WLS: variants seen among roughly 807,000 people sequenced by gnomAD.
WLS encodes the protein Wnt ligand secretion mediator.
In WLS, 23 loss-of-function variants were observed where a neutral mutation model predicts 62.8. The observed-to-expected ratio is 0.37, with a 90% CI of 0.26 to 0.52. The LOEUF (loss-of-function observed/expected upper bound fraction) is 0.52, where lower values mean the gene tolerates loss of function less well. Ranked by LOEUF, WLS falls within the 20% of genes least tolerant of loss-of-function variation. WLS has a pLI of 0.92. For missense variants in WLS, 615 were observed against 697.3 expected (o/e 0.88, Z 1.33); for synonymous variants, 246 against 244.1 (o/e 1.01, Z -0.07).
chr1:68,133,029 C>A (rs1646549667), intron 11 of WLS, among the ~76,000 whole-genome samples: 4 of 147,872 alleles, frequency 2.7e-5, no homozygotes, highest in South Asian at 2.2e-4. Flanking sequence ...GTAAAAAGAA[C>A]AACTGTCATG....
rs1646857189 is a variant in WLS at position 68,153,634 on chromosome 1, C to G, written c.686G>C (p.Gly229Ala). 1.2e-6 allele frequency: 2 copies of G among 1,614,168 alleles called. No homozygotes were observed. The highest frequency in any genetic ancestry group is 1.7e-6 in the Non-Finnish European group (2 of 1,180,022). ...IRLVGIHQNG[G>A]FTKVWFAMKT... ...CATGGCAAACCACACCTTGGTGAAGCCTCCATTTTGGTGGATCCCCTAGGC... is the reference window on the plus strand; with the variant it reads ...CATGGCAAACCACACCTTGGTGAAGGCTCCATTTTGGTGGATCCCCTAGGC... Residue 229 changes from glycine to alanine, a missense_variant, in exon 5 of 12, where the codon GGC becomes GCC. Coordinates refer to ENST00000262348, the MANE Select transcript of WLS (RefSeq NM_024911.7).
intron 1 of WLS, among the ~76,000 whole-genome samples, chr1:68,219,606 C>T (rs567495110): frequency 3.3e-5 from 5 of 152,298 alleles, no homozygotes; most frequent in African/African-American, 1.2e-4. Context: ...GCAAGGCATT[C>T]ATCTATTCAC....
intron 11 of WLS, among the ~76,000 whole-genome samples, chr1:68,106,749 TGTATGTGTGG>T (rs1646151470): frequency 7.2e-6 from 1 of 139,570 alleles, no homozygotes; most frequent in South Asian, 2.1e-4. Flanking sequence ...TGTGTGTGTG[TGTATGTGTGG>T]GTAGGTGGGT....
At chr1:68,121,857 G>T (rs1170203030), downstream of WLS, among the ~76,000 whole-genome samples, 1 of 152,178 alleles carries the variant, frequency 6.6e-6, no homozygotes, top group Non-Finnish European at 1.5e-5. Flanking sequence ...ACTATGCTAG[G>T]CACTTTTTAG....
intron 11 of WLS, among the ~76,000 whole-genome samples, chr1:68,101,946 C>G (rs546765727): frequency 5.5e-4 from 84 of 152,288 alleles, no homozygotes; most frequent in African/African-American, 1.9e-3. Context: ...AATCAAATAT[C>G]TTACTGTTGA....
intron 2 of WLS, among the ~76,000 whole-genome samples, chr1:68,161,516 T>A (rs953671099): frequency 1.6e-4 from 25 of 152,222 alleles, no homozygotes; most frequent in Non-Finnish European, 3.5e-4. Context: ...GATGAAAAAC[T>A]TAACACACAA....
intron 11 of WLS, among the ~76,000 whole-genome samples, chr1:68,132,420 G>C (rs1203225149): frequency 6.6e-6 from 1 of 152,140 alleles, no homozygotes; most frequent in Non-Finnish European, 1.5e-5. Context: ...CAGGGAGATG[G>C]CGTCAATAAA....
At chr1:68,180,852 G>A (rs1647526053) in intron 2 of WLS, among the ~76,000 whole-genome samples, 1 of 152,142 alleles carries the variant, frequency 6.6e-6, no homozygotes, top group Non-Finnish European at 1.5e-5. Flanking sequence ...AATTATTTTA[G>A]CAAACAACCT....
chr1:68,141,895 A>G (rs1226633032), intron 10 of WLS: 1 of 152,230 alleles, frequency 6.6e-6, no homozygotes, highest in Non-Finnish European at 1.5e-5. Flanking sequence ...AAAACCCAGC[A>G]GGAGGAATGT....
rs191500911 is a variant in WLS, at chr1:68,106,308, C to T, written c.1511-7555G>A. Among the ~76,000 whole-genome samples, 211 of 152,178 alleles carry T rather than the reference C, an allele frequency of 1.4e-3. 1 individual carries two copies. The Middle Eastern group carries it at 0.037, about 27-fold the overall frequency. On this transcript the variant is annotated intron_variant, in intron 11 of 11. Coordinates refer to the WLS transcript ENST00000354777. ...GCAGTGAGTGCTCTTGAGGAGATGC[C>T]GAGGCTGGGTGGGCAGAGGGTACTT...
chr1:68,113,932 TCTC>T (rs1646259183), intron 11 of WLS, among the ~76,000 whole-genome samples: 1 of 152,114 alleles, frequency 6.6e-6, no homozygotes, highest in African/African-American at 2.4e-5. Context: ...AAGACTGAGA[TCTC>T]CTCAGAAAGA....
chr1:68,162,832 A>C (rs1363224052), intron 2 of WLS: 1 of 1,307,698 alleles, frequency 7.6e-7, no homozygotes, highest in African/African-American at 1.5e-5. Context: ...CTCCCTGGTG[A>C]GGATGATGGT....
intron 2 of WLS, among the ~76,000 whole-genome samples, chr1:68,178,663 G>A (rs565721955): frequency 3.4e-5 from 5 of 145,878 alleles, no homozygotes; most frequent in African/African-American, 1.0e-4. Flanking sequence ...CCAAGATCAC[G>A]CCACTGCACT....
In WLS at chr1:68,098,558, C is replaced by T. The variant is rs144836484; in HGVS notation, c.*74G>A. On this transcript the variant is annotated 3_prime_UTR_variant, in exon 12 of 12. Coordinates refer to the WLS transcript ENST00000354777. The stretch of plus-strand genomic sequence containing the variant: ...AAGGCTAAATGAGTGTATTTGTGTG[C>T]GTATACAAGTACAATCAATGTGACT... 340 of 1,576,748 alleles carry T rather than the reference C, an allele frequency of 2.2e-4. 6 individuals carry two copies. The South Asian group carries it at 2.4e-3, about 11-fold the overall frequency.
intron 1 of WLS, among the ~76,000 whole-genome samples, chr1:68,198,777 C>G (rs189060571): frequency 5.3e-5 from 8 of 152,272 alleles, no homozygotes; most frequent in Admixed American, 4.6e-4. Flanking sequence ...GGGCAACAGT[C>G]AGATATTTGG....
intron 2 of WLS, among the ~76,000 whole-genome samples, chr1:68,161,131 T>C (rs1003208778): frequency 6.6e-6 from 1 of 150,816 alleles, no homozygotes; most frequent in African/African-American, 2.5e-5. Context: ...AAGTTAATAC[T>C]TTTTTTTTGC....
At chr1:68,158,303 C>A (rs145396128) in intron 3 of WLS, among the ~76,000 whole-genome samples, 2 of 152,100 alleles carry the variant, frequency 1.3e-5, no homozygotes, top group Non-Finnish European at 2.9e-5. Flanking sequence ...AGGAAACCTG[C>A]GGGAGGGAGA....
At position 68,145,858 on chromosome 1, in the gene WLS, A is replaced by T. The variant is rs1361855278; in HGVS notation, c.1278+11T>A. 6.2e-7 allele frequency: 1 copy of T among 1,613,892 alleles called. No homozygotes were observed. Among genetic ancestry groups the T allele is most frequent in the African/African-American group, 1.3e-5 (1 of 74,928 alleles). On this transcript the variant is annotated intron_variant, in intron 9 of 11. Coordinates refer to ENST00000262348, the MANE Select transcript of WLS (RefSeq NM_024911.7). Reference sequence around the variant, plus strand: ...GCACCAGTTCCAGAACGAGCCAAGAAATCTGCCCACCTCATAGTGTAGCCG... The same window carrying T: ...GCACCAGTTCCAGAACGAGCCAAGATATCTGCCCACCTCATAGTGTAGCCG...
At chr1:68,138,116 G>A (rs1646637106) in intron 10 of WLS, 183 bp from the exon 11 acceptor site, 1 of 702,422 alleles carries the variant, frequency 1.4e-6, no homozygotes, top group Non-Finnish European at 2.3e-6. Flanking sequence ...TCAACTGAAG[G>A]TTCTCTAGCT....
Sources: gnomAD v4.1 joint callset for allele counts (sites outside exome capture counted in the v4.1 genomes callset) on GRCh38, gnomAD v4.1.1 for gene constraint, MANE v1.5 for transcripts, NCBI Gene and HGNC (gene_info 2026-07-23, HGNC 2026-07-21) for gene names.